Variants in IL19 observed in about 807,000 individuals in gnomAD.
IL19 encodes interleukin 19, also known as interleukin-19.
Under a neutral mutation model 19.5 loss-of-function variants are expected in IL19, and 15 were observed. The ratio of observed to expected loss-of-function variants is 0.77; its 90% confidence interval spans 0.52 to 1.19. The LOEUF (loss-of-function observed/expected upper bound fraction) is 1.19. IL19 is among the 50% of genes most tolerant of loss of function. The pLI, the probability that IL19 is intolerant of heterozygous loss-of-function variation, is 0.00. For synonymous variants in IL19, 78 were observed against 78.3 expected, an observed-to-expected ratio of 1.00 and a Z score of 0.02; for missense variants, 199 against 213.1, an observed-to-expected ratio of 0.93 and a Z score of 0.41.
At chr1:206,811,245 A>G (rs10863863) in intron 2 of IL19, among the ~76,000 whole-genome samples, 47,195 of 151,730 alleles carry the variant, frequency 0.31, 7,668 homozygotes, top group East Asian at 0.41. Flanking sequence ...TGTCATCTGA[A>G]CTATATAAAA....
intron 1 of IL19, among the ~76,000 whole-genome samples, chr1:206,778,811 C>T (rs148210916): frequency 6.6e-6 from 1 of 152,206 alleles, no homozygotes; most frequent in East Asian, 1.9e-4. Flanking sequence ...TTGTTGGTCC[C>T]TCCCTCTTCC....
At chr1:206,830,272 T>C (rs1015172768) in intron 2 of IL19, among the ~76,000 whole-genome samples, 1 of 152,150 alleles carries the variant, frequency 6.6e-6, no homozygotes, top group African/African-American at 2.4e-5. Context: ...GTTATCTCTG[T>C]TATATTTTCT....
intron 1 of IL19, among the ~76,000 whole-genome samples, chr1:206,793,953 A>G (rs1433904560): frequency 1.3e-5 from 2 of 152,150 alleles, no homozygotes; most frequent in Non-Finnish European, 2.9e-5. Flanking sequence ...GCCTGGGCTA[A>G]GGCTAGCGTT....
chr1:206,801,817 A>T (rs1675715009), intron 2 of IL19, among the ~76,000 whole-genome samples: 1 of 152,354 alleles, frequency 6.6e-6, no homozygotes. Flanking sequence ...CATGAGCAAC[A>T]GTGCCTGACA....
At chr1:206,823,348 T>C (rs1338702168) in intron 2 of IL19, among the ~76,000 whole-genome samples, 1 of 151,824 alleles carries the variant, frequency 6.6e-6, no homozygotes, top group Non-Finnish European at 1.5e-5. Context: ...GGTCAGGAGA[T>C]TGAGACCATC....
chr1:206,830,781 A>T (rs889461612), intron 2 of IL19, among the ~76,000 whole-genome samples: 1 of 152,008 alleles, frequency 6.6e-6, no homozygotes, highest in African/African-American at 2.4e-5. Context: ...GTTTCACCAC[A>T]TTGGCTAGGA....
chr1:206,802,368 G>GT (rs915872811), intron 2 of IL19, among the ~76,000 whole-genome samples: 4 of 151,192 alleles, frequency 2.6e-5, no homozygotes, highest in East Asian at 1.9e-4. Flanking sequence ...TATCTGGGTG[G>GT]TTTTTTTTTC....
At chr1:206,792,123 T>G (rs923568685) in intron 1 of IL19, among the ~76,000 whole-genome samples, 1 of 152,240 alleles carries the variant, frequency 6.6e-6, no homozygotes, top group Admixed American at 6.5e-5. Flanking sequence ...TGAGATGCCT[T>G]CTCTTGGTTC....
At chr1:206,780,314 A>C (rs952855868) in intron 1 of IL19, among the ~76,000 whole-genome samples, 6 of 152,212 alleles carry the variant, frequency 3.9e-5, no homozygotes, top group Non-Finnish European at 5.9e-5. Flanking sequence ...AGTACTCAGC[A>C]TGGTTCTGGG....
intron 1 of IL19, among the ~76,000 whole-genome samples, chr1:206,792,450 C>T (rs1205633260): frequency 6.6e-6 from 1 of 151,996 alleles, no homozygotes; most frequent in Non-Finnish European, 1.5e-5. Context: ...CATTCACAAT[C>T]CCCCCACCCC....
At chr1:206,793,012 A>C (rs1675443140) in intron 1 of IL19, among the ~76,000 whole-genome samples, 1 of 152,220 alleles carries the variant, frequency 6.6e-6, no homozygotes, top group African/African-American at 2.4e-5. Flanking sequence ...CCCTTGCCCC[A>C]AGAATGGTTT....
At chr1:206,800,995 T>C (rs116260461) in intron 2 of IL19, among the ~76,000 whole-genome samples, 1,918 of 152,296 alleles carry the variant, frequency 0.013, 42 homozygotes, top group African/African-American at 0.043. Context: ...ACCTCTGGCT[T>C]ATGGAGCGAG....
intron 1 of IL19, among the ~76,000 whole-genome samples, chr1:206,784,566 C>T (rs869185288): frequency 6.6e-6 from 1 of 152,148 alleles, no homozygotes; most frequent in Non-Finnish European, 1.5e-5. Context: ...GTTGCAGTTT[C>T]GTTGTGAGTC....
chr1:206,774,333 T>G (rs1674937639), intron 1 of IL19, among the ~76,000 whole-genome samples: 1 of 152,192 alleles, frequency 6.6e-6, no homozygotes, highest in Admixed American at 6.5e-5. Flanking sequence ...AACTTACTGG[T>G]CCTGCCAGAC....
intron 1 of IL19, among the ~76,000 whole-genome samples, chr1:206,771,629 A>G (rs1674847352): frequency 1.3e-5 from 2 of 152,222 alleles, no homozygotes; most frequent in African/African-American, 4.8e-5. Context: ...AGTTATTTAA[A>G]AAATCTGGCC....
chr1:206,810,897 G>A (rs1358034607), intron 2 of IL19, among the ~76,000 whole-genome samples: 1 of 152,178 alleles, frequency 6.6e-6, no homozygotes, highest in Admixed American at 6.5e-5. Context: ...TTGTTTAAAA[G>A]AGCATGGCAT....
chr1:206,834,542 G>A, intron 2 of IL19: 2 of 637,770 alleles, frequency 3.1e-6, no homozygotes, highest in Non-Finnish European at 3.9e-6. Flanking sequence ...AGAATGGGAA[G>A]GGGTACTCTA....
intron 2 of IL19, among the ~76,000 whole-genome samples, chr1:206,802,596 G>T (rs1235232221): frequency 6.6e-6 from 1 of 152,146 alleles, no homozygotes; most frequent in East Asian, 1.9e-4. Context: ...TTGGGAAAGA[G>T]CTTCATGGGT....
chr1:206,796,514 G>A (rs1675526418), intron 1 of IL19, among the ~76,000 whole-genome samples: 1 of 152,148 alleles, frequency 6.6e-6, no homozygotes, highest in Non-Finnish European at 1.5e-5. Flanking sequence ...CCAAGTAATG[G>A]TGTCTGTCAA....
Sources: allele counts gnomAD v4.1 joint callset (sites outside exome capture counted in the v4.1 genomes callset), GRCh38; gene constraint gnomAD v4.1.1; transcripts MANE v1.5; gene names NCBI Gene and HGNC (gene_info 2026-07-23, HGNC 2026-07-21).